SLC15A1: variants seen among roughly 807,000 people sequenced by gnomAD.
SLC15A1 encodes the protein Caco-2 oligopeptide transporter.
Under a neutral mutation model 92.9 loss-of-function variants are expected in SLC15A1, and 83 were observed. That is an observed-to-expected ratio of 0.89 (90% CI 0.75 to 1.07). SLC15A1 has a LOEUF of 1.07. SLC15A1 is among the 50% of genes least tolerant of loss of function. The probability of loss-of-function intolerance (pLI) is 0.00; values close to 1 mark genes in which losing one functional copy is unlikely to be tolerated. For synonymous variants in SLC15A1, 322 were observed against 318.2 expected (o/e 1.01, Z -0.13); for missense variants, 857 against 880.1 (o/e 0.97, Z 0.33).
chr13:98,686,124 AG>A, intron 22 of SLC15A1, 65 bp downstream of exon 22: 2 of 1,184,366 alleles, frequency 1.7e-6, no homozygotes, highest in Non-Finnish European at 2.5e-6. Flanking sequence ...TGGCTAGGGA[AG>A]GCCACCATGA....
At chr13:98,720,909 G>A (rs901873530) in intron 7 of SLC15A1, 15 of 349,828 alleles carry the variant, frequency 4.3e-5, no homozygotes, top group African/African-American at 2.8e-4. Flanking sequence ...AATATTATCC[G>A]GGCATGGTGG....
intron 1 of SLC15A1, among the ~76,000 whole-genome samples, chr13:98,738,160 G>C (rs1026414349): frequency 6.6e-6 from 1 of 152,226 alleles, no homozygotes; most frequent in Non-Finnish European, 1.5e-5. Context: ...TCATAGGTGG[G>C]AGCAAATAAA....
intron 11 of SLC15A1, among the ~76,000 whole-genome samples, chr13:98,710,964 T>C (rs2088157505): frequency 6.6e-6 from 1 of 152,086 alleles, no homozygotes; most frequent in Non-Finnish European, 1.5e-5. Flanking sequence ...GTTATTACAG[T>C]GACTCAAGTC....
intron 1 of SLC15A1, among the ~76,000 whole-genome samples, chr13:98,747,015 G>T (rs2088498421): frequency 6.6e-6 from 1 of 152,172 alleles, no homozygotes; most frequent in Non-Finnish European, 1.5e-5. Context: ...GAGGGGCCGA[G>T]AGAAGAGGTG....
chr13:98,712,615 A>C (rs1446494734), intron 9 of SLC15A1, 31 bp from the exon 10 acceptor site: 2 of 1,473,466 alleles, frequency 1.4e-6, no homozygotes, highest in Admixed American at 3.5e-5. Flanking sequence ...CGAATTTCAA[A>C]ACAGGACCAA....
chr13:98,689,066 C>A (rs1201752016), intron 18 of SLC15A1, among the ~76,000 whole-genome samples: 1 of 152,100 alleles, frequency 6.6e-6, no homozygotes, highest in African/African-American at 2.4e-5. Flanking sequence ...CAGCCTCCCG[C>A]GTAGTTGGGA....
intron 21 of SLC15A1, 117 bp from the exon 22 acceptor site, chr13:98,686,414 C>G: frequency 1.4e-6 from 1 of 689,820 alleles, no homozygotes; most frequent in African/African-American, 1.8e-5. Context: ...CACGAAAAGT[C>G]AGGTGGCCTC....
At chr13:98,720,154 T>C (rs2088245060) in intron 7 of SLC15A1, among the ~76,000 whole-genome samples, 2 of 152,196 alleles carry the variant, frequency 1.3e-5, no homozygotes, top group Non-Finnish European at 2.9e-5. Context: ...CTCATGCAAA[T>C]GTTTCCTGTT....
chr13:98,719,948 ATT>A, intron 7 of SLC15A1, among the ~76,000 whole-genome samples: 1 of 151,942 alleles, frequency 6.6e-6, no homozygotes, highest in South Asian at 2.1e-4. Context: ...AAATCCCAGG[ATT>A]TATATATATA....
chr13:98,749,647 T>C (rs1295128764), intron 1 of SLC15A1, among the ~76,000 whole-genome samples: 6 of 152,264 alleles, frequency 3.9e-5, no homozygotes, highest in Admixed American at 6.5e-5. Flanking sequence ...GAATTCAACC[T>C]GACAGCCCTT....
intron 1 of SLC15A1, among the ~76,000 whole-genome samples, chr13:98,739,133 T>C (rs2088419514): frequency 6.6e-6 from 1 of 152,252 alleles, no homozygotes; most frequent in South Asian, 2.1e-4. Flanking sequence ...GATTTCTCCC[T>C]TTGGAATGGG....
At chr13:98,713,026 A>C (rs768687374) in intron 9 of SLC15A1, among the ~76,000 whole-genome samples, 9 of 152,186 alleles carry the variant, frequency 5.9e-5, no homozygotes, top group Non-Finnish European at 1.3e-4. Context: ...AATCCAGAGA[A>C]TATTTTACAC....
At chr13:98,749,875 A>G (rs891941659) in intron 1 of SLC15A1, among the ~76,000 whole-genome samples, 5 of 152,222 alleles carry the variant, frequency 3.3e-5, no homozygotes, top group African/African-American at 1.2e-4. Flanking sequence ...ATGTCTCAGT[A>G]CATAATGAAG....
At chr13:98,752,533 G>T in intron 1 of SLC15A1, 62 bp downstream of exon 1, 1 of 1,262,358 alleles carries the variant, frequency 7.9e-7, no homozygotes. Flanking sequence ...CCTCGGTGCC[G>T]GCCCCCGCCC....
chr13:98,720,301 G>A (rs894227403), intron 7 of SLC15A1, among the ~76,000 whole-genome samples: 6 of 152,190 alleles, frequency 3.9e-5, no homozygotes, highest in Admixed American at 2.0e-4. Context: ...TTGTAAGAGA[G>A]TCATGAACTT....
intron 8 of SLC15A1, among the ~76,000 whole-genome samples, chr13:98,718,788 G>A (rs1461607564): frequency 4.6e-5 from 7 of 152,156 alleles, no homozygotes; most frequent in Non-Finnish European, 1.0e-4. Flanking sequence ...CAGCCTGGGC[G>A]ACAAGAGCAA....
In SLC15A1 at chr13:98,721,815, C is replaced by T; in HGVS notation, c.454G>A (p.Glu152Lys). 2 of 1,614,152 alleles carry T rather than the reference C, an allele frequency of 1.2e-6. No homozygotes were observed. The highest frequency in any genetic ancestry group is 1.7e-6 in the Non-Finnish European group (2 of 1,180,006). ...CVSAFGGDQF[E>K]EGQEKQRNRF... ...GCCCCTACCCTTACCTGGCCCTCTT[C>T]AAACTGATCTCCACCAAACGCAGAC... Residue 152 changes from glutamate to lysine, a missense_variant, in exon 6 of 23, where the codon GAA becomes AAA. Transcript: ENST00000376503.
chr13:98,709,435 G>T (rs1487819652), intron 14 of SLC15A1, 137 bp downstream of exon 14: 8 of 672,278 alleles, frequency 1.2e-5, no homozygotes, highest in African/African-American at 1.8e-5. Flanking sequence ...ATCAGCACAC[G>T]AACATTTGTT....
At position 98,736,896 on chromosome 13, in the gene SLC15A1, G is replaced by A. The variant is rs535914058; in HGVS notation, c.5-10037C>T. Among the ~76,000 whole-genome samples the A allele has an allele frequency of 1.8e-4, 28 of 152,322 alleles. No individual in the cohort carries two copies. In the South Asian group the frequency reaches 5.8e-3, roughly 32 times the overall value. ...AGGAACACTTTTACACTGTTGGTGG[G>A]AGTGTAAACTAGTTCAACCATTGTG... On this transcript the variant is annotated intron_variant, in intron 1 of 22. Coordinates refer to ENST00000376503, the MANE Select transcript of SLC15A1 (RefSeq NM_005073.4).
Sources: gnomAD v4.1 joint callset for allele counts (sites outside exome capture counted in the v4.1 genomes callset) on GRCh38, gnomAD v4.1.1 for gene constraint, MANE v1.5 for transcripts, NCBI Gene and HGNC (gene_info 2026-07-23, HGNC 2026-07-21) for gene names.